The following FAM186A variants were observed in gnomAD, a reference collection of about 807,000 sequenced individuals.
FAM186A encodes the protein family with sequence similarity 186 member A.
A neutral mutation model predicts 216.8 loss-of-function variants in FAM186A; 163 were observed. That is an observed-to-expected ratio of 0.75 (90% CI 0.66 to 0.86). FAM186A has a LOEUF of 0.86. FAM186A is among the 40% of genes least tolerant of loss of function. The probability of loss-of-function intolerance (pLI) is 0.00; values close to 1 mark genes in which losing one functional copy is unlikely to be tolerated. For synonymous variants in FAM186A, 805 were observed against 1,025.3 expected (o/e 0.79, Z 4.10); for missense variants, 2,184 against 2,746.2 (o/e 0.80, Z 4.58).
At chr12:50,373,011 GAAAGAAAGAA>G (rs1159309765) in intron 1 of FAM186A, among the ~76,000 whole-genome samples, 1 of 106,226 alleles carries the variant, frequency 9.4e-6, no homozygotes, top group Admixed American at 1.0e-4. Context: ...AAGAAAGAAA[GAAAGAAAGAA>G]AGAAAGAAAG....
intron 1 of FAM186A, among the ~76,000 whole-genome samples, chr12:50,377,065 T>G (rs377651240): frequency 6.6e-6 from 1 of 152,092 alleles, no homozygotes; most frequent in South Asian, 2.1e-4. Context: ...TGTTTAAAGA[T>G]GCACAATTTA....
At chr12:50,392,928 A>C (rs1213053149) in intron 1 of FAM186A, among the ~76,000 whole-genome samples, 5 of 56,498 alleles carry the variant, frequency 8.8e-5, no homozygotes, top group African/African-American at 1.8e-4. Flanking sequence ...ATACTTGTAT[A>C]CTTTTTTTTT....
intron 1 of FAM186A, among the ~76,000 whole-genome samples, chr12:50,394,552 C>CAA (rs939935514): frequency 7.0e-6 from 1 of 143,516 alleles, no homozygotes; most frequent in Admixed American, 7.0e-5. Flanking sequence ...TAGTCTGCCT[C>CAA]AAAAAAAAAA....
At chr12:50,370,758 T>C (rs185815702) in intron 1 of FAM186A, among the ~76,000 whole-genome samples, 91 of 152,144 alleles carry the variant, frequency 6.0e-4, no homozygotes, top group African/African-American at 2.1e-3. Flanking sequence ...CAAGTGCCCA[T>C]TGACAGATAA....
intron 1 of FAM186A, chr12:50,366,223 A>T (rs1943086331): frequency 1.8e-6 from 1 of 555,068 alleles, no homozygotes; most frequent in Non-Finnish European, 3.2e-6. Flanking sequence ...AGCAAATAAT[A>T]ATTTAAGTCA....
chr12:50,382,690 ACT>A (rs940297418), intron 1 of FAM186A, among the ~76,000 whole-genome samples: 13 of 152,048 alleles, frequency 8.5e-5, no homozygotes, highest in African/African-American at 2.9e-4. Flanking sequence ...ACAGAGCAAG[ACT>A]CTGTCTCAAA....
chr12:50,372,875 T>A (rs1198053360), intron 1 of FAM186A, among the ~76,000 whole-genome samples: 83 of 130,352 alleles, frequency 6.4e-4, no homozygotes, highest in African/African-American at 2.4e-3. Context: ...CACTCCAGTC[T>A]CCTGGGCGAC....
In FAM186A at chr12:50,355,059, C is replaced by T; in HGVS notation, c.1773G>A (p.Met591Ile). 1 of 1,551,662 alleles carries T rather than the reference C, an allele frequency of 6.4e-7. No individual in the cohort carries two copies. The highest frequency in any genetic ancestry group is 1.4e-5 in the African/African-American group (1 of 73,156). The change falls in exon 4 of 8, where the codon ATG becomes ATA. Residue 591 changes from methionine (M) to isoleucine (I), a missense_variant. Coordinates refer to ENST00000327337, the MANE Select transcript of FAM186A (RefSeq NM_001145475.3). ...EIRSLVEPLS[M>I]IQFDDTAEPQ... ...GCTCAGCAGTATCATCAAATTGGAT[C>T]ATACTGAGTGGCTCCACTAGGCTTC...
chr12:50,388,493 C>T (rs1943326536), intron 1 of FAM186A, among the ~76,000 whole-genome samples: 1 of 151,918 alleles, frequency 6.6e-6, no homozygotes, highest in African/African-American at 2.4e-5. Flanking sequence ...GTGGCACATG[C>T]CCATAATTCC....
intron 2 of FAM186A, 52 bp downstream of exon 2, chr12:50,363,093 C>A: frequency 7.2e-7 from 1 of 1,396,928 alleles, no homozygotes; most frequent in Non-Finnish European, 9.6e-7. Flanking sequence ...ATATTCTCTT[C>A]TCTTTTTCAT....
intron 1 of FAM186A, among the ~76,000 whole-genome samples, chr12:50,364,579 A>T (rs892147435): frequency 1.3e-4 from 18 of 140,580 alleles, no homozygotes; most frequent in African/African-American, 2.6e-5. Flanking sequence ...ATAAATAAAT[A>T]AAATAAAAAT....
In FAM186A at chr12:50,353,081, G is replaced by C; in HGVS notation, c.3751C>G (p.Leu1251Val). Residue 1251 changes from leucine (L) to valine (V), a missense_variant, in exon 4 of 8, where the codon CTC (leucine) becomes GTC (valine). Physicochemically the swap from Leu to Val is conservative, Grantham distance 32. Coordinates refer to ENST00000327337, the MANE Select transcript of FAM186A (RefSeq NM_001145475.3). ...IPLTPQQAQALGITLTPKQVQ... is the reference protein window; with the variant it reads ...IPLTPQQAQAVGITLTPKQVQ... ...TGCTTAGGGGTGAGAGTGATTCCGA[G>C]AGCCTGCGCCTGCTGAGGGGTGAGA... 1 of 1,536,650 alleles carries C rather than the reference G, an allele frequency of 6.5e-7. No individual in the cohort carries two copies. The highest frequency in any genetic ancestry group is 8.8e-7 in the Non-Finnish European group (1 of 1,139,548).
chr12:50,341,221 T>G (rs759519760), intron 4 of FAM186A, among the ~76,000 whole-genome samples: 2 of 152,346 alleles, frequency 1.3e-5, no homozygotes, highest in South Asian at 4.1e-4. Context: ...TTACAGAGGC[T>G]CTACAGAAAT....
rs145353786 is a variant in FAM186A, at chr12:50,388,387, G to A, written c.192+7906C>T. Among the ~76,000 whole-genome samples, 5 of 152,262 alleles carry A rather than the reference G, an allele frequency of 3.3e-5. No homozygotes were observed. The East Asian group carries it at 5.8e-4, about 18-fold the overall frequency. On this transcript the variant is annotated intron_variant, in intron 1 of 7. Transcript: ENST00000327337. Reference sequence around the variant, plus strand: ...TAATCGCACACTTTGGGAGGCAGAGGCGGGAGGATCCCCTGAGGTCAGGAG... The same window carrying A: ...TAATCGCACACTTTGGGAGGCAGAGACGGGAGGATCCCCTGAGGTCAGGAG...
At chr12:50,376,039 C>A (rs770818780) in intron 1 of FAM186A, among the ~76,000 whole-genome samples, 2 of 152,166 alleles carry the variant, frequency 1.3e-5, no homozygotes, top group African/African-American at 2.4e-5. Flanking sequence ...GGTGCTGGCA[C>A]AAGCACTGGC....
At chr12:50,373,303 A>G (rs1943167762) in intron 1 of FAM186A, among the ~76,000 whole-genome samples, 1 of 152,148 alleles carries the variant, frequency 6.6e-6, no homozygotes, top group Non-Finnish European at 1.5e-5. Context: ...AGGCTGAGGC[A>G]GGAGAACTGC....
At chr12:50,358,595 AC>A (rs1399671555) in intron 3 of FAM186A, among the ~76,000 whole-genome samples, 2 of 151,534 alleles carry the variant, frequency 1.3e-5, no homozygotes, top group African/African-American at 4.9e-5. Flanking sequence ...ACAAAACAAA[AC>A]AAAACAAAAA....
rs747367738 is a variant in FAM186A at position 50,354,358 on chromosome 12, T to G, written c.2474A>C (p.Gln825Pro). The change falls in exon 4 of 8, where the codon CAA becomes CCA. Residue 825 changes from glutamine (Q) to proline (P), a missense_variant. This residue lies in a region of FAM186A where 1,132 missense variants were observed against 1,263.4 expected (regional missense o/e 0.90). Coordinates refer to ENST00000327337, the MANE Select transcript of FAM186A (RefSeq NM_001145475.3). ...TTGTTCTTGACCCTCTTGCAAATAT[T>G]GCTCCTGCCTTTGTTTTTCCTTCTC... ...HKEKEKQRQE[Q>P]YLQEGQEQMS... 10 of 1,551,678 alleles carry G rather than the reference T, an allele frequency of 6.4e-6. No individual in the cohort carries two copies. Among genetic ancestry groups the G allele is most frequent in the Non-Finnish European group, 8.7e-6 (10 of 1,147,002 alleles).
At chr12:50,395,808 C>G (rs1301680517) in intron 1 of FAM186A, among the ~76,000 whole-genome samples, 1 of 151,880 alleles carries the variant, frequency 6.6e-6, no homozygotes, top group Non-Finnish European at 1.5e-5. Context: ...GTTGCCCAGG[C>G]TGGAGTGCAA....
Sources: gnomAD v4.1 joint callset for allele counts (sites outside exome capture counted in the v4.1 genomes callset) on GRCh38, gnomAD v4.1.1 for gene constraint, gnomAD v4.1.1 regional missense constraint, MANE v1.5 for transcripts, NCBI Gene and HGNC (gene_info 2026-07-23, HGNC 2026-07-21) for gene names.